Variants in TRAK1 observed in about 807,000 individuals in gnomAD.
TRAK1 encodes trafficking kinesin-binding protein 1.
In TRAK1, 33 loss-of-function variants were observed where a neutral mutation model predicts 92.1. The observed-to-expected ratio is 0.36, with a 90% CI of 0.27 to 0.48. The LOEUF is 0.48. TRAK1 is among the 20% of genes least tolerant of loss of function. The pLI is 0.99. For synonymous variants in TRAK1, 521 were observed against 517.3 expected (o/e 1.01, Z -0.10); for missense variants, 1,123 against 1,257.9 (o/e 0.89, Z 1.62).
chr3:42,140,452 C>A (rs1576576457), intron 2 of TRAK1, among the ~76,000 whole-genome samples: 1 of 152,086 alleles, frequency 6.6e-6, no homozygotes, highest in Admixed American at 6.5e-5. Context: ...GATGGTGAAA[C>A]CCCGTCTCTA....
intron 1 of TRAK1, among the ~76,000 whole-genome samples, chr3:42,065,051 T>G (rs1559732799): frequency 6.6e-6 from 1 of 152,120 alleles, no homozygotes; most frequent in East Asian, 1.9e-4. Context: ...CACTCCAGCC[T>G]GGGTGACAGA....
At chr3:42,121,202 C>T (rs372165002) in intron 1 of TRAK1, among the ~76,000 whole-genome samples, 11 of 151,860 alleles carry the variant, frequency 7.2e-5, no homozygotes, top group South Asian at 4.2e-4. Flanking sequence ...ATTGCTGGGA[C>T]GGTGAGACAA....
At chr3:42,120,909 C>A (rs1709766836) in intron 1 of TRAK1, among the ~76,000 whole-genome samples, 1 of 152,168 alleles carries the variant, frequency 6.6e-6, no homozygotes, top group Admixed American at 6.5e-5. Context: ...GATTATGTTT[C>A]ATTTTACATG....
At chr3:42,097,898 A>C (rs1213521010) in intron 1 of TRAK1, among the ~76,000 whole-genome samples, 1 of 152,248 alleles carries the variant, frequency 6.6e-6, no homozygotes, top group African/African-American at 2.4e-5. Context: ...AGGGTTGTGG[A>C]GGTCTCACCT....
rs777375066 is a variant in TRAK1, at chr3:42,202,844, C to T, written c.1744+92C>T. ...TGCGGAAGGCGGGGCACCTCTGTCACGCCTACTCCTTTTTCTTCCGCGACA... is the reference window on the plus strand; with the variant it reads ...TGCGGAAGGCGGGGCACCTCTGTCATGCCTACTCCTTTTTCTTCCGCGACA... On this transcript the variant is annotated intron_variant, in intron 13 of 15. Transcript: ENST00000327628. This position sits in a 1 kb window ranked among gnomAD's most constrained non-coding sequence, Gnocchi z 6.1. The T allele has an allele frequency of 1.6e-5, 25 of 1,547,970 alleles. No homozygotes were observed. In the Admixed American group the frequency reaches 1.9e-4, roughly 12 times the overall value.
chr3:42,095,711 T>TATCATC (rs973652645), intron 1 of TRAK1, among the ~76,000 whole-genome samples: 8 of 118,256 alleles, frequency 6.8e-5, no homozygotes, highest in South Asian at 3.5e-4. Context: ...TGTTTGGCTT[T>TATCATC]ATCATCGTCA....
chr3:42,173,208 CT>C (rs1702785546), intron 2 of TRAK1, among the ~76,000 whole-genome samples: 1 of 152,038 alleles, frequency 6.6e-6, no homozygotes, highest in Admixed American at 6.6e-5. Context: ...GCTTTTCTTT[CT>C]TTTTTGAAAC....
intron 3 of TRAK1, among the ~76,000 whole-genome samples, 172 bp downstream of exon 3, chr3:42,177,062 T>C (rs1703325065): frequency 6.6e-6 from 1 of 152,242 alleles, no homozygotes; most frequent in Non-Finnish European, 1.5e-5. Flanking sequence ...TAGGCCTTTA[T>C]AGCTGTAATT....
At chr3:42,149,159 G>A (rs2149252740) in intron 2 of TRAK1, 1 of 1,016,684 alleles carries the variant, frequency 9.8e-7, no homozygotes, top group African/African-American at 1.7e-5. Flanking sequence ...CGAGGCTTGA[G>A]TGAGACAGCC....
intron 1 of TRAK1, among the ~76,000 whole-genome samples, chr3:42,026,623 C>G (rs1268549861): frequency 1.3e-5 from 2 of 151,166 alleles, no homozygotes; most frequent in Admixed American, 1.3e-4. Context: ...CTCCCAGGTT[C>G]AAGTGATTCT....
intron 1 of TRAK1, among the ~76,000 whole-genome samples, chr3:42,072,789 T>G (rs547517995): frequency 6.6e-6 from 1 of 152,300 alleles, no homozygotes; most frequent in African/African-American, 2.4e-5. Flanking sequence ...TGTTTGCTTC[T>G]GTCCTAAACA....
At chr3:42,215,554 A>G (rs1308828243) in intron 14 of TRAK1, among the ~76,000 whole-genome samples, 1 of 151,900 alleles carries the variant, frequency 6.6e-6, no homozygotes, top group African/African-American at 2.4e-5. Context: ...AGAACTTGCA[A>G]AGCAGATCCA....
chr3:42,109,074 C>T (rs932466049), intron 1 of TRAK1, among the ~76,000 whole-genome samples: 1 of 152,088 alleles, frequency 6.6e-6, no homozygotes, highest in Non-Finnish European at 1.5e-5. Context: ...AAAACCGGTT[C>T]ACTATTTACA....
At chr3:42,107,950 T>TAAGAAGGC (rs975026471) in intron 1 of TRAK1, among the ~76,000 whole-genome samples, 2 of 151,524 alleles carry the variant, frequency 1.3e-5, no homozygotes, top group Admixed American at 6.6e-5. Context: ...ATGTCACATC[T>TAAGAAGGC]AAGAAGGCTG....
chr3:42,019,191 A>G (rs551666051), intron 1 of TRAK1, among the ~76,000 whole-genome samples: 1 of 152,210 alleles, frequency 6.6e-6, no homozygotes, highest in African/African-American at 2.4e-5. Context: ...GTCTCTCTCC[A>G]GGATTACAGA....
intron 1 of TRAK1, among the ~76,000 whole-genome samples, chr3:42,118,307 G>A (rs1236950229): frequency 6.6e-6 from 1 of 151,578 alleles, no homozygotes; most frequent in Non-Finnish European, 1.5e-5. Flanking sequence ...GGCCAGGCTG[G>A]TTTTGAACTC....
At chr3:42,095,908 AAG>A (rs1376958562) in intron 1 of TRAK1, among the ~76,000 whole-genome samples, 2 of 152,204 alleles carry the variant, frequency 1.3e-5, no homozygotes, top group East Asian at 3.9e-4. Context: ...GGCCTTATAA[AAG>A]AGGTTTTGGA....
chr3:42,066,619 C>T (rs1182517315), intron 1 of TRAK1, among the ~76,000 whole-genome samples: 1 of 152,160 alleles, frequency 6.6e-6, no homozygotes, highest in East Asian at 1.9e-4. Flanking sequence ...TCAGTCCTCC[C>T]TGCCTACCAT....
chr3:42,218,138 A>G (rs1428035081), intron 14 of TRAK1: 2 of 984,938 alleles, frequency 2.0e-6, no homozygotes, highest in Non-Finnish European at 2.4e-6. Context: ...TCACTTTTGT[A>G]CTCTGGATTT....
Sources: gnomAD v4.1 joint callset for allele counts (sites outside exome capture counted in the v4.1 genomes callset) on GRCh38, gnomAD v4.1.1 for gene constraint, Gnocchi (gnomAD v3.1) non-coding constraint, MANE v1.5 for transcripts, NCBI Gene and HGNC (gene_info 2026-07-23, HGNC 2026-07-21) for gene names.